NRG1: variants seen among roughly 807,000 people sequenced by gnomAD.
NRG1 encodes neuregulin 1, also known as pro-neuregulin-1, membrane-bound isoform.
A neutral mutation model predicts 63.8 loss-of-function variants in NRG1; 18 were observed. That is an observed-to-expected ratio of 0.28 (90% CI 0.19 to 0.42). The LOEUF is 0.42. NRG1 is among the 10% of genes least tolerant of loss of function. The probability of loss-of-function intolerance (pLI) is 1.00; values close to 1 mark genes in which losing one functional copy is unlikely to be tolerated. For synonymous variants in NRG1, 302 were observed against 301.3 expected (o/e 1.00, Z -0.02); for missense variants, 762 against 814.7 (o/e 0.94, Z 0.79).
At chr8:32,509,002 T>G (rs1448879609) in intron 1 of NRG1, among the ~76,000 whole-genome samples, 1 of 152,208 alleles carries the variant, frequency 6.6e-6, no homozygotes, top group African/African-American at 2.4e-5. Flanking sequence ...CCCAAAGTGC[T>G]GGGATCACAG....
chr8:32,407,413 T>C lies in NRG1; in HGVS notation c.38-188415T>C, dbSNP rs966749272. ...GTCTTAATCTTGTCTATTGAATTCA[T>C]TTTGACAAGAACAGTGTAGGATCCA... On this transcript the variant is annotated intron_variant, in intron 1 of 10. Transcript: ENST00000519301. Among the ~76,000 whole-genome samples the C allele has an allele frequency of 4.1e-4, 62 of 150,884 alleles. 1 individual carries two copies. The highest frequency in any genetic ancestry group is 1.3e-3 in the African/African-American group (53 of 41,050).
intron 1 of NRG1, among the ~76,000 whole-genome samples, chr8:31,864,431 G>A (rs1250976241): frequency 6.6e-6 from 1 of 152,170 alleles, no homozygotes; most frequent in African/African-American, 2.4e-5. Flanking sequence ...GAGTCAGGAA[G>A]CCTTTCCTCC....
chr8:32,387,897 G>A (rs1811216561), intron 1 of NRG1, among the ~76,000 whole-genome samples: 1 of 152,130 alleles, frequency 6.6e-6, no homozygotes, highest in Non-Finnish European at 1.5e-5. Flanking sequence ...GTTAGCATTG[G>A]TGACATTCAT....
chr8:32,271,984 C>T (rs1851599139), intron 1 of NRG1, among the ~76,000 whole-genome samples: 1 of 152,176 alleles, frequency 6.6e-6, no homozygotes, highest in African/African-American at 2.4e-5. Flanking sequence ...TCCCCAACAG[C>T]CTACCTTGGT....
chr8:32,025,613 T>C (rs1817133589), intron 1 of NRG1, among the ~76,000 whole-genome samples: 1 of 152,142 alleles, frequency 6.6e-6, no homozygotes, highest in South Asian at 2.1e-4. Context: ...AGTCGATTTT[T>C]TTTTTTTTTT....
intron 1 of NRG1, among the ~76,000 whole-genome samples, chr8:32,438,611 A>G (rs981439310): frequency 1.3e-5 from 2 of 152,216 alleles, no homozygotes; most frequent in Admixed American, 1.3e-4. Context: ...GAAACCAACA[A>G]AATATTTTCC....
chr8:32,759,716 A>G (rs1180201747), intron 10 of NRG1, among the ~76,000 whole-genome samples: 1 of 152,188 alleles, frequency 6.6e-6, no homozygotes, highest in East Asian at 1.9e-4. Context: ...TTGGCTCTGC[A>G]AAATACTTAG....
chr8:31,761,016 G>A (rs1245653925), intron 1 of NRG1, among the ~76,000 whole-genome samples: 4 of 151,884 alleles, frequency 2.6e-5, no homozygotes, highest in South Asian at 2.1e-4. Context: ...TGTTTATTGC[G>A]GCACTATTCA....
At position 32,742,059 on chromosome 8, in the gene NRG1, A is replaced by C; in HGVS notation, c.633-616A>C. ...GATGTACTGAGAATGTGCCCATGAA[A>C]GTCCAAAACCAAGAAAGTATGTCAA... On this transcript the variant is annotated intron_variant, in intron 6 of 11. Transcript: ENST00000356819. The surrounding 1 kb of genome is among the most constrained non-coding windows in gnomAD (Gnocchi z 4.2). 1 of 1,613,700 alleles carries C rather than the reference A, an allele frequency of 6.2e-7. No homozygotes were observed. Among genetic ancestry groups the C allele is most frequent in the Non-Finnish European group, 8.5e-7 (1 of 1,179,754 alleles).
chr8:32,266,704 A>G (rs1024584554), intron 1 of NRG1, among the ~76,000 whole-genome samples: 2 of 152,154 alleles, frequency 1.3e-5, no homozygotes, highest in African/African-American at 4.8e-5. Flanking sequence ...ACAATATTCT[A>G]GCCCCAAAAC....
intron 1 of NRG1, among the ~76,000 whole-genome samples, chr8:32,038,194 A>G (rs551702496): frequency 1.3e-5 from 2 of 152,286 alleles, no homozygotes; most frequent in African/African-American, 2.4e-5. Context: ...AGAGCTGGGT[A>G]GCACAATACC....
intron 1 of NRG1, among the ~76,000 whole-genome samples, chr8:31,877,304 G>A (rs1309417089): frequency 6.6e-6 from 1 of 152,076 alleles, no homozygotes; most frequent in African/African-American, 2.4e-5. Context: ...CAAGCAAGTT[G>A]TTTTTATGCC....
At chr8:32,240,393 G>A (rs576934447) in intron 1 of NRG1, among the ~76,000 whole-genome samples, 1 of 152,084 alleles carries the variant, frequency 6.6e-6, no homozygotes, top group Non-Finnish European at 1.5e-5. Context: ...AGTTTCCAGG[G>A]GTCAGAGAGT....
intron 1 of NRG1, among the ~76,000 whole-genome samples, chr8:32,437,051 T>C (rs1818881566): frequency 6.6e-6 from 1 of 152,084 alleles, no homozygotes; most frequent in African/African-American, 2.4e-5. Context: ...CATCATAATA[T>C]TGTGTGGGGA....
intron 3 of NRG1, among the ~76,000 whole-genome samples, chr8:32,606,162 GTATGTATTATA>G (rs1280616486): frequency 1.4e-5 from 2 of 147,960 alleles, no homozygotes; most frequent in South Asian, 2.1e-4. Flanking sequence ...TATGTATTAT[GTATGTATTATA>G]TATGTATTAT....
intron 1 of NRG1, among the ~76,000 whole-genome samples, chr8:31,899,359 A>G (rs1831881134): frequency 6.6e-6 from 1 of 151,858 alleles, no homozygotes; most frequent in South Asian, 2.1e-4. Flanking sequence ...CCATCCTTCT[A>G]TTCCCTATTC....
intron 1 of NRG1, among the ~76,000 whole-genome samples, chr8:32,350,822 T>C (rs1438731928): frequency 6.6e-6 from 1 of 152,132 alleles, no homozygotes; most frequent in Non-Finnish European, 1.5e-5. Context: ...TCCTTGAATT[T>C]GTTATATATT....
At chr8:32,601,875 G>T (rs1214019477) in intron 2 of NRG1, among the ~76,000 whole-genome samples, 2 of 151,500 alleles carry the variant, frequency 1.3e-5, no homozygotes, top group African/African-American at 2.4e-5. Context: ...AGTACATAAG[G>T]TTTTTTTTGT....
intron 1 of NRG1, among the ~76,000 whole-genome samples, chr8:32,400,411 C>G (rs1813023741): frequency 6.6e-6 from 1 of 152,122 alleles, no homozygotes. Flanking sequence ...CTTAAAAGAC[C>G]TAATATCCAG....
Sources: gnomAD v4.1 joint callset for allele counts (sites outside exome capture counted in the v4.1 genomes callset) on GRCh38, gnomAD v4.1.1 for gene constraint, Gnocchi (gnomAD v3.1) non-coding constraint, MANE v1.5 for transcripts, NCBI Gene and HGNC (gene_info 2026-07-23, HGNC 2026-07-21) for gene names.